The following BIRC6 variants were observed in gnomAD, a reference collection of about 807,000 sequenced individuals.
The protein encoded by BIRC6 is baculoviral IAP repeat containing 6.
Under a neutral mutation model 503.3 loss-of-function variants are expected in BIRC6, and 98 were observed. That is an observed-to-expected ratio of 0.19 (90% confidence interval 0.17 to 0.23). The LOEUF (loss-of-function observed/expected upper bound fraction) is 0.23. Ranked by LOEUF, BIRC6 falls within the 10% of genes least tolerant of loss-of-function variation. The probability of loss-of-function intolerance (pLI) is 1.00; values close to 1 mark genes in which losing one functional copy is unlikely to be tolerated. For missense variants in BIRC6, 5,360 were observed against 5,806.0 expected (o/e 0.92, Z 2.50); for synonymous variants, 2,240 against 2,078.7 (o/e 1.08, Z -2.11).
intron 35 of BIRC6, among the ~76,000 whole-genome samples, chr2:32,477,961 A>G (rs2049953302): frequency 6.6e-6 from 1 of 152,082 alleles, no homozygotes; most frequent in African/African-American, 2.4e-5. Context: ...TTGAAATGTA[A>G]GTAATGTGGA....
rs2052027980 is a variant in BIRC6 at position 32,493,606 on chromosome 2, A to G, written c.8407A>G (p.Thr2803Ala). ...TCGATTACAAGTGCATCTTTCTTCA[A>G]CATGTCCTCAGATATTCAGTGAATT... is the stretch of plus-strand genomic sequence containing the variant. ...LTRLQVHLSSTCPQIFSEFLL... is the reference protein window; with the variant it reads ...LTRLQVHLSSACPQIFSEFLL... The change falls in exon 45 of 74, where the codon ACA (threonine) becomes GCA (alanine). Residue 2803 changes from threonine to alanine, a missense_variant. Transcript: ENST00000421745. 7 of 1,609,288 alleles carry G rather than the reference A, an allele frequency of 4.3e-6. No individual in the cohort carries two copies. The highest frequency in any genetic ancestry group is 1.7e-4 in the Middle Eastern group (1 of 6,046).
intron 65 of BIRC6, among the ~76,000 whole-genome samples, chr2:32,553,691 C>T (rs557812642): frequency 5.3e-5 from 8 of 152,004 alleles, no homozygotes; most frequent in African/African-American, 1.7e-4. Flanking sequence ...ACAACCCAGC[C>T]TGTAAATGAA....
At chr2:32,516,104 T>C (rs1381275930) in intron 55 of BIRC6, among the ~76,000 whole-genome samples, 2 of 152,252 alleles carry the variant, frequency 1.3e-5, no homozygotes, top group Non-Finnish European at 2.9e-5. Context: ...GTACTGTATG[T>C]GCCTTGAGGC....
chr2:32,368,729 T>TC (rs147012474), intron 1 of BIRC6, among the ~76,000 whole-genome samples: 1 of 152,030 alleles, frequency 6.6e-6, no homozygotes, highest in East Asian at 1.9e-4. Context: ...TCAGCTCACT[T>TC]CAACGTCTTC....
chr2:32,566,881 T>C lies in BIRC6; in HGVS notation c.13145-8275T>C, dbSNP rs76093929. Among the ~76,000 whole-genome samples the C allele has an allele frequency of 6.5e-3, 996 of 152,320 alleles. 10 individuals are homozygous for C. The highest frequency in any genetic ancestry group is 0.023 in the African/African-American group (947 of 41,568). ...ATGTGAATTTTGCATCCACATACTT[T>C]AGTATTCTAATAGTATTTCTGTGGA... is the stretch of plus-strand genomic sequence containing the variant. On this transcript the variant is annotated intron_variant, in intron 65 of 73. Transcript: ENST00000421745.
At chr2:32,572,384 GATC>G (rs1272131245) in intron 65 of BIRC6, among the ~76,000 whole-genome samples, 1 of 152,170 alleles carries the variant, frequency 6.6e-6, no homozygotes, top group Non-Finnish European at 1.5e-5. Flanking sequence ...ATTACTGGTA[GATC>G]ATTTCCAGCT....
intron 8 of BIRC6, among the ~76,000 whole-genome samples, chr2:32,405,363 T>C (rs1333157857): frequency 2.6e-5 from 4 of 152,216 alleles, no homozygotes; most frequent in South Asian, 4.1e-4. Context: ...GCAACTGTTA[T>C]CACCTGAAAA....
chr2:32,464,562 A>G lies in BIRC6; in HGVS notation c.4995A>G (p.Ala1665=). ...AGACAACAGCTGCAGCAGCTGCAGCAGCATCAGCAGTAGGTCCTGTTCACA... is the reference window on the plus strand; with the variant it reads ...AGACAACAGCTGCAGCAGCTGCAGCGGCATCAGCAGTAGGTCCTGTTCACA... ...LHQTTAAAAA[A]ASAVGPVHNS... The change falls in exon 25 of 74, where the codon GCA becomes GCG. Residue 1665 remains alanine (A), a synonymous_variant. Coordinates refer to ENST00000421745, the MANE Select transcript of BIRC6 (RefSeq NM_016252.4). 2 of 1,606,750 alleles carry G rather than the reference A, an allele frequency of 1.2e-6. No homozygotes were observed.
At chr2:32,399,271 A>G (rs990800860) in intron 6 of BIRC6, among the ~76,000 whole-genome samples, 12 of 152,162 alleles carry the variant, frequency 7.9e-5, no homozygotes, top group Middle Eastern at 3.2e-3. Context: ...TTTTTAGTAG[A>G]GATGGGGTTT....
rs1426648660 is a variant in BIRC6 at position 32,519,016 on chromosome 2, A to G, written c.11623+70A>G. 3 of 1,448,390 alleles carry G rather than the reference A, an allele frequency of 2.1e-6. No individual in the cohort carries two copies. In the African/African-American group the frequency reaches 4.2e-5, roughly 20 times the overall value. The allele number at this position is 1,448,390 out of a possible 1,614,324, so 89.7% of individuals were successfully genotyped here. A position where few individuals can be genotyped will look rare whatever the true frequency, so the allele number is the denominator to read the frequency against. ...ATGTATATGGAGGTTTATTGTTTTT[A>G]TAACTTTATTTTCTGCATCCACTTT... On this transcript the variant is annotated intron_variant, in intron 57 of 73. Transcript: ENST00000421745.
intron 70 of BIRC6, among the ~76,000 whole-genome samples, chr2:32,601,580 T>TA (rs920506512): frequency 1.4e-3 from 205 of 144,368 alleles, no homozygotes; most frequent in African/African-American, 4.0e-3. Flanking sequence ...AAATTCTGTC[T>TA]AAAAAAAAAA....
In BIRC6 at chr2:32,415,747, A is replaced by G; in HGVS notation, c.2456A>G (p.Asn819Ser). Residue 819 changes from asparagine (N) to serine (S), a missense_variant, in exon 10 of 74, where the codon AAT becomes AGT. Coordinates refer to ENST00000421745, the MANE Select transcript of BIRC6 (RefSeq NM_016252.4). ...TPLIIQPEQR[N>S]VSGGYLVLYK... ...TTAATAATTCAGCCTGAGCAGAGGA[A>G]TGTTAGTGGTGGATATTTAGTGCTT... The G allele has an allele frequency of 1.2e-6, 2 of 1,613,778 alleles. No individual in the cohort carries two copies. Among genetic ancestry groups the G allele is most frequent in the South Asian group, 1.1e-5 (1 of 91,080 alleles).
rs2061221739 is a variant in BIRC6 at position 32,588,739 on chromosome 2, C to T, written c.13356-5176C>T. 2.6e-5 allele frequency among the ~76,000 whole-genome samples: 4 copies of T among 152,140 alleles called. No homozygotes were observed. The South Asian group carries it at 8.3e-4, about 32-fold the overall frequency. Reference sequence around the variant, plus strand: ...CTTGAAAGTAACTCTCAGTTACCTCCACTAATAAAGGGATTTCTGGCGTGG... The same window carrying T: ...CTTGAAAGTAACTCTCAGTTACCTCTACTAATAAAGGGATTTCTGGCGTGG... On this transcript the variant is annotated intron_variant, in intron 66 of 73. Coordinates refer to ENST00000421745, the MANE Select transcript of BIRC6 (RefSeq NM_016252.4).
chr2:32,361,802 T>G (rs1349315720), intron 1 of BIRC6, among the ~76,000 whole-genome samples: 1 of 152,210 alleles, frequency 6.6e-6, no homozygotes, highest in East Asian at 1.9e-4. Context: ...GTTTGTAGAC[T>G]TTTCAGGTTG....
chr2:32,551,775 G>A (rs2058441363), intron 65 of BIRC6, among the ~76,000 whole-genome samples: 1 of 152,120 alleles, frequency 6.6e-6, no homozygotes, highest in Non-Finnish European at 1.5e-5. Flanking sequence ...ACTACATTTA[G>A]TTGTCATGTC....
At chr2:32,463,123 A>G in intron 23 of BIRC6, 71 bp from the exon 24 acceptor site, 1 of 1,281,568 alleles carries the variant, frequency 7.8e-7, no homozygotes, top group South Asian at 1.6e-5. Flanking sequence ...ATATTTGAAC[A>G]TGTTTTGTCT....
At chr2:32,470,952 A>G in intron 31 of BIRC6, 62 bp from the exon 32 acceptor site, 1 of 1,488,982 alleles carries the variant, frequency 6.7e-7, no homozygotes, top group East Asian at 2.5e-5. Flanking sequence ...TTATATTATC[A>G]GATCTAATTA....
At chr2:32,598,973 G>A (rs2061858918) in intron 69 of BIRC6, among the ~76,000 whole-genome samples, 1 of 127,256 alleles carries the variant, frequency 7.9e-6, no homozygotes, top group Non-Finnish European at 1.6e-5. Flanking sequence ...AGTGAGCTGA[G>A]ATCTCGCCAC....
intron 1 of BIRC6, among the ~76,000 whole-genome samples, chr2:32,375,215 T>G (rs1248451363): frequency 6.6e-6 from 1 of 152,172 alleles, no homozygotes; most frequent in Non-Finnish European, 1.5e-5. Flanking sequence ...AAGGGACAGT[T>G]TTATTTCTTT....
Sources: gnomAD v4.1 joint callset for allele counts (sites outside exome capture counted in the v4.1 genomes callset) on GRCh38, gnomAD v4.1.1 for gene constraint, MANE v1.5 for transcripts, NCBI Gene and HGNC (gene_info 2026-07-23, HGNC 2026-07-21) for gene names.